The following OR2L13 variants were observed in gnomAD, a reference collection of about 807,000 sequenced individuals.
The protein encoded by OR2L13 is olfactory receptor family 2 subfamily L member 13.
Under a neutral mutation model 15.3 loss-of-function variants are expected in OR2L13, and 14 were observed. The ratio of observed to expected loss-of-function variants is 0.91; its 90% CI spans 0.60 to 1.43. The LOEUF (loss-of-function observed/expected upper bound fraction) is 1.43, where lower values mean the gene tolerates loss of function less well. Ranked by LOEUF, OR2L13 falls within the 40% of genes most tolerant of loss-of-function variation. The probability of loss-of-function intolerance (pLI) is 0.00; values close to 1 mark genes in which losing one functional copy is unlikely to be tolerated. For synonymous variants in OR2L13, 152 were observed against 142.9 expected, an observed-to-expected ratio of 1.06 and a Z score of -0.45; for missense variants, 367 against 387.9, an observed-to-expected ratio of 0.95 and a Z score of 0.45.
At chr1:247,965,823 G>C in the OR2L13 span, 1 of 1,612,548 alleles carries the variant, frequency 6.2e-7, no homozygotes, top group Non-Finnish European at 8.5e-7. Flanking sequence ...CATGTGCATG[G>C]GCCAGTGGTT....
At chr1:248,047,427 G>A in the OR2L13 span, among the ~76,000 whole-genome samples, 4 of 152,256 alleles carry the variant, frequency 2.6e-5, no homozygotes, top group African/African-American at 9.6e-5. Flanking sequence ...TTAAAGTAAA[G>A]GTACAACGAG....
the OR2L13 span, chr1:248,061,186 C>T: frequency 6.2e-7 from 1 of 1,612,520 alleles, no homozygotes; most frequent in African/African-American, 1.3e-5. Flanking sequence ...TCCTTATTGC[C>T]AATCCAGGGC....
chr1:248,055,529 G>A, the OR2L13 span, among the ~76,000 whole-genome samples: 1 of 152,332 alleles, frequency 6.6e-6, no homozygotes, highest in African/African-American at 2.4e-5. Context: ...GCCAAGGCAG[G>A]TGGATCAACA....
the OR2L13 span, among the ~76,000 whole-genome samples, chr1:248,070,724 A>G: frequency 8.5e-5 from 13 of 152,160 alleles, no homozygotes; most frequent in South Asian, 4.2e-4. Flanking sequence ...TTGATAGACC[A>G]CTAGCAAGAC....
At chr1:248,099,821 C>G (rs747560323) in exon 3 of OR2L13, 1 of 1,614,060 alleles carries the variant, frequency 6.2e-7, no homozygotes, top group Non-Finnish European at 8.5e-7. Context: ...GGCTCTTGGA[C>G]ACTGGGGTCC....
chr1:247,943,354 A>G, the OR2L13 span, among the ~76,000 whole-genome samples: 1 of 152,128 alleles, frequency 6.6e-6, no homozygotes, highest in Non-Finnish European at 1.5e-5. Flanking sequence ...AGGGTTCAAC[A>G]GAAGCCCAAA....
the OR2L13 span, among the ~76,000 whole-genome samples, chr1:247,970,812 C>T: frequency 1.3e-5 from 2 of 152,134 alleles, no homozygotes; most frequent in Admixed American, 6.6e-5. Context: ...GGTGTAAGAG[C>T]TATTTTATCA....
At chr1:248,097,797 A>C (rs545415227) in intron 1 of OR2L13, among the ~76,000 whole-genome samples, 1 of 152,152 alleles carries the variant, frequency 6.6e-6, no homozygotes, top group Non-Finnish European at 1.5e-5. Context: ...GGAATTCAGA[A>C]AGCACTACAA....
At chr1:248,033,154 T>C in the OR2L13 span, among the ~76,000 whole-genome samples, 1 of 152,216 alleles carries the variant, frequency 6.6e-6, no homozygotes, top group Non-Finnish European at 1.5e-5. Flanking sequence ...CTCTCAATCA[T>C]TTTCCACAGA....
chr1:247,998,790 G>C, the OR2L13 span, among the ~76,000 whole-genome samples: 1 of 152,068 alleles, frequency 6.6e-6, no homozygotes. Context: ...AAATTGTAGT[G>C]CTTTGTGCTT....
the OR2L13 span, among the ~76,000 whole-genome samples, chr1:248,088,021 A>G: frequency 6.6e-6 from 1 of 152,208 alleles, no homozygotes; most frequent in South Asian, 2.1e-4. Flanking sequence ...TTTTACATAC[A>G]TTTACACGCG....
At chr1:248,088,671 G>T in the OR2L13 span, among the ~76,000 whole-genome samples, 1 of 152,134 alleles carries the variant, frequency 6.6e-6, no homozygotes, top group Non-Finnish European at 1.5e-5. Context: ...CAAGATAAGG[G>T]CAGGGTAGCC....
the OR2L13 span, among the ~76,000 whole-genome samples, chr1:248,088,293 A>G: frequency 9.9e-5 from 15 of 152,112 alleles, no homozygotes; most frequent in African/African-American, 3.6e-4. Context: ...AATTTCGACT[A>G]TTTTGAACTG....
At chr1:248,060,920 T>C in the OR2L13 span, 1 of 1,613,982 alleles carries the variant, frequency 6.2e-7, no homozygotes, top group African/African-American at 1.3e-5. Flanking sequence ...GTTCCTAAGA[T>C]GGCATCTGAT....
chr1:247,990,655 C>A, the OR2L13 span: 1 of 1,529,032 alleles, frequency 6.5e-7, no homozygotes, highest in South Asian at 1.1e-5. Flanking sequence ...CTTTCCTCTC[C>A]ACTATCCCAT....
At chr1:248,063,183 A>C in the OR2L13 span, 2 of 152,174 alleles carry the variant, frequency 1.3e-5, no homozygotes, top group South Asian at 4.1e-4. Flanking sequence ...TAGTTTGGTT[A>C]TTTAAATAAT....
the OR2L13 span, among the ~76,000 whole-genome samples, chr1:247,952,591 T>G: frequency 6.6e-6 from 1 of 152,188 alleles, no homozygotes; most frequent in African/African-American, 2.4e-5. Flanking sequence ...GCACTTTGTC[T>G]TGGACTTCCC....
At chr1:248,024,271 A>G in the OR2L13 span, 1 of 152,108 alleles carries the variant, frequency 6.6e-6, no homozygotes, top group African/African-American at 2.4e-5. Flanking sequence ...TTTATATCTG[A>G]TTTGAAAAAA....
At chr1:248,071,036 C>G in the OR2L13 span, among the ~76,000 whole-genome samples, 1 of 152,078 alleles carries the variant, frequency 6.6e-6, no homozygotes, top group Non-Finnish European at 1.5e-5. Context: ...CAGCCGAATT[C>G]TACCAGAGGT....
Sources: gnomAD v4.1 joint callset for allele counts (sites outside exome capture counted in the v4.1 genomes callset) on GRCh38, gnomAD v4.1.1 for gene constraint, MANE v1.5 for transcripts, NCBI Gene and HGNC (gene_info 2026-07-23, HGNC 2026-07-21) for gene names.